Variants in EHD3 observed in about 807,000 individuals in gnomAD.
EHD3 encodes the protein EH domain containing 3.
Under a neutral mutation model 43.0 loss-of-function variants are expected in EHD3, and 17 were observed. The observed-to-expected ratio is 0.40, with a 90% CI of 0.27 to 0.59. EHD3 has a LOEUF of 0.59. Among genes scored for constraint, EHD3 ranks in the 20% least tolerant of loss-of-function variants. EHD3 has a pLI of 0.49. For synonymous variants in EHD3, 313 were observed against 289.5 expected (o/e 1.08, Z -0.82); for missense variants, 594 against 705.6 (o/e 0.84, Z 1.79).
rs1683943586 is a variant in EHD3, at chr2:31,266,104, A to G, written c.1081-73A>G. The G allele has an allele frequency of 1.3e-6, 2 of 1,522,752 alleles. No homozygotes were observed. Among genetic ancestry groups the G allele is most frequent in the Admixed American group, 2.0e-5 (1 of 50,940 alleles). The allele number at this position is 1,522,752 out of a possible 1,614,324, so 94.3% of individuals were successfully genotyped here. ...CAGCTGTGAACATTCTGGTGCTCAT[A>G]GGAGGCACGTGATAAATGGAGGGCT... On this transcript the variant is annotated intron_variant, in intron 5 of 5. Coordinates refer to ENST00000322054, the MANE Select transcript of EHD3 (RefSeq NM_014600.3). The surrounding 1 kb of genome is among the most constrained non-coding windows in gnomAD (Gnocchi z 5.1).
intron 1 of EHD3, among the ~76,000 whole-genome samples, chr2:31,239,742 G>A (rs1006299858): frequency 2.6e-5 from 4 of 152,190 alleles, no homozygotes; most frequent in Non-Finnish European, 5.9e-5. Flanking sequence ...CAGCATTACT[G>A]ACCGGATTCG....
At chr2:31,245,360 G>A (rs1338382947) in intron 2 of EHD3, among the ~76,000 whole-genome samples, 2 of 151,854 alleles carry the variant, frequency 1.3e-5, no homozygotes, top group African/African-American at 2.4e-5. Flanking sequence ...AAAACACTTC[G>A]TGCCTGGCAC....
In EHD3 at chr2:31,261,528, C is replaced by A. The variant is rs750401201; in HGVS notation, c.916-21C>A. The A allele has an allele frequency of 3.7e-6, 6 of 1,613,590 alleles. No individual in the cohort carries two copies. In the South Asian group the frequency reaches 5.5e-5, roughly 15 times the overall value. ...GTCCAGGGTCTTGATGTGAAGGCTTCTCTCTGGCCCTGTTTGTCAGGTCCA... is the reference window on the plus strand; with the variant it reads ...GTCCAGGGTCTTGATGTGAAGGCTTATCTCTGGCCCTGTTTGTCAGGTCCA... On this transcript the variant is annotated intron_variant, in intron 4 of 5. Coordinates refer to ENST00000322054, the MANE Select transcript of EHD3 (RefSeq NM_014600.3).
At chr2:31,252,628 C>A (rs1382434235) in intron 3 of EHD3, among the ~76,000 whole-genome samples, 2 of 152,198 alleles carry the variant, frequency 1.3e-5, no homozygotes, top group Non-Finnish European at 2.9e-5. Flanking sequence ...GCATGCGCCA[C>A]CACACCCAGC....
At chr2:31,253,530 G>C (rs1683680843) in intron 3 of EHD3, among the ~76,000 whole-genome samples, 1 of 152,178 alleles carries the variant, frequency 6.6e-6, no homozygotes, top group East Asian at 1.9e-4. Context: ...TGTCTCACCA[G>C]ATAAAAAGGG....
intron 1 of EHD3, 101 bp downstream of exon 1, chr2:31,234,949 C>A: frequency 8.6e-7 from 1 of 1,167,736 alleles, no homozygotes; most frequent in Admixed American, 2.1e-5. Flanking sequence ...CAATGGGAAG[C>A]CTTCAGTTGA....
At chr2:31,253,205 T>C (rs115269295) in intron 3 of EHD3, among the ~76,000 whole-genome samples, 23,070 of 127,430 alleles carry the variant, frequency 0.18, 2,251 homozygotes, top group African/African-American at 0.29. Context: ...ACACATATCC[T>C]GCATATACAC....
Position 31,266,049 on chromosome 2 carries a change from G to A in EHD3, c.1081-128G>A. The A allele has an allele frequency of 8.2e-7, 1 of 1,225,606 alleles. No homozygotes were observed. Among genetic ancestry groups the A allele is most frequent in the East Asian group, 2.5e-5 (1 of 40,282 alleles). 75.9% of individuals were successfully genotyped at this position (1,225,606 alleles called of 1,614,324 possible). A position where few individuals can be genotyped will look rare whatever the true frequency, so the allele number is the denominator to read the frequency against. Reference sequence around the variant, plus strand: ...GTGATGTCCATCAGCTGAGCCTCTAGGTCACAGGTCTTTCATTGTAGAAAG... The same window carrying A: ...GTGATGTCCATCAGCTGAGCCTCTAAGTCACAGGTCTTTCATTGTAGAAAG... On this transcript the variant is annotated intron_variant, in intron 5 of 5. Coordinates refer to ENST00000322054, the MANE Select transcript of EHD3 (RefSeq NM_014600.3). The surrounding 1 kb of genome is among the most constrained non-coding windows in gnomAD (Gnocchi z 5.1).
chr2:31,235,982 C>G (rs949659098), intron 1 of EHD3, among the ~76,000 whole-genome samples: 4 of 152,188 alleles, frequency 2.6e-5, no homozygotes, highest in Middle Eastern at 3.2e-3. Flanking sequence ...GTGCTCATCT[C>G]CTGCAGAGGG....
chr2:31,250,274 T>C (rs1423060716), intron 3 of EHD3, among the ~76,000 whole-genome samples: 1 of 150,358 alleles, frequency 6.7e-6, no homozygotes, highest in African/African-American at 2.4e-5. Flanking sequence ...TTTTCTTTTT[T>C]TTTTTTTTTT....
chr2:31,244,342 C>A lies in EHD3; in HGVS notation c.296C>A (p.Ala99Glu), dbSNP rs750580454. 3 of 1,614,172 alleles carry A rather than the reference C, an allele frequency of 1.9e-6. No homozygotes were observed. Among genetic ancestry groups the A allele is most frequent in the Non-Finnish European group, 2.5e-6 (3 of 1,180,026 alleles). Residue 99 changes from alanine to glutamate, a missense_variant, in exon 2 of 6, where the codon GCG (alanine) becomes GAG (glutamate). This residue lies in a region of EHD3 where 243 missense variants were observed against 296.7 expected (regional missense o/e 0.82). Coordinates refer to ENST00000322054, the MANE Select transcript of EHD3 (RefSeq NM_014600.3). ...GPEPTTDSFI[A>E]VMQGDMEGII... ...GAGCCCACCACAGACTCCTTCATTG[C>A]GGTGATGCAGGGAGACATGGAGGGG...
At chr2:31,251,999 A>T (rs1410609034) in intron 3 of EHD3, among the ~76,000 whole-genome samples, 1 of 151,868 alleles carries the variant, frequency 6.6e-6, no homozygotes. Context: ...CCCAGTGTGA[A>T]CTCCCTGGGG....
intron 3 of EHD3, among the ~76,000 whole-genome samples, chr2:31,258,635 C>T (rs1415393645): frequency 1.3e-5 from 2 of 152,168 alleles, no homozygotes; most frequent in East Asian, 1.9e-4. Context: ...TCTGGTTACT[C>T]CTCAGAGAAG....
Position 31,260,575 on chromosome 2 carries a change from G to A in EHD3, c.568G>A (p.Asp190Asn), listed in dbSNP as rs1371513087. 2 of 1,614,042 alleles carry A rather than the reference G, an allele frequency of 1.2e-6. No homozygotes were observed. The highest frequency in any genetic ancestry group is 1.1e-5 in the South Asian group (1 of 91,062). The change falls in exon 4 of 6, where the codon GAT becomes AAT. Residue 190 changes from aspartate to asparagine, a missense_variant. This residue lies in a region of EHD3 where 243 missense variants were observed against 296.7 expected (regional missense o/e 0.82). Transcript: ENST00000322054. This position sits in a 1 kb window ranked among gnomAD's most constrained non-coding sequence, Gnocchi z 4.6. ...GGTTGACCGCATCATTCTGCTCTTC[G>A]ATGCCCACAAACTGGACATCTCTGA... ...ERVDRIILLF[D>N]AHKLDISDEF...
chr2:31,238,570 C>A (rs543625014), intron 1 of EHD3, among the ~76,000 whole-genome samples: 55 of 152,360 alleles, frequency 3.6e-4, no homozygotes, highest in Non-Finnish European at 6.5e-4. Context: ...CCAACACAGG[C>A]TGCCTCTTTG....
rs116343866 is a variant in EHD3 at position 31,267,043 on chromosome 2, G to T, written c.*339G>T. ...AGCACAGATGGCCAACCCACCTCCA[G>T]ATTCCCCAGTGCTTCCACACCCGGG... On this transcript the variant is annotated 3_prime_UTR_variant, in exon 6 of 6. Coordinates refer to ENST00000322054, the MANE Select transcript of EHD3 (RefSeq NM_014600.3). 0.012 allele frequency: 3,173 copies of T among 268,370 alleles called. 107 individuals carry two copies. The highest frequency in any genetic ancestry group is 0.065 in the African/African-American group (2,961 of 45,530). The allele number at this position is 268,370 out of a possible 1,614,324, so 16.6% of individuals were successfully genotyped here.
In EHD3 at chr2:31,234,488, T is replaced by G; in HGVS notation, c.-134T>G. The G allele has an allele frequency of 1.0e-6, 1 of 983,226 alleles. No homozygotes were observed. Among genetic ancestry groups the G allele is most frequent in the Non-Finnish European group, 1.5e-6 (1 of 673,718 alleles). The allele number at this position is 983,226 out of a possible 1,614,324, so 60.9% of individuals were successfully genotyped here. On this transcript the variant is annotated 5_prime_UTR_variant, in exon 1 of 6. An upstream start codon of the reference 5' UTR is lost. Transcript: ENST00000322054. ...CCCTCCTAGCCGCGTGCCCGGGCCA[T>G]GGTGCGGCTGAGCCCCGCGCTTGGG...
In EHD3 at chr2:31,249,427, C is replaced by T. The variant is rs745506140; in HGVS notation, c.461C>T (p.Thr154Ile). 19 of 1,614,032 alleles carry T rather than the reference C, an allele frequency of 1.2e-5. No homozygotes were observed. In the South Asian group the frequency reaches 1.9e-4, roughly 16 times the overall value. ...CTGGAGAGCATCAGCGTCATCGACA[C>T]ACCAGGGATCCTCTCTGGGGAGAAG... ...PVLESISVID[T>I]PGILSGEKQR... Residue 154 changes from threonine to isoleucine, a missense_variant, in exon 3 of 6, where the codon ACA becomes ATA. By Grantham distance (89) the Thr-to-Ile change is moderately conservative. Transcript: ENST00000322054.
intron 2 of EHD3, among the ~76,000 whole-genome samples, chr2:31,248,013 G>C (rs1683558945): frequency 6.6e-6 from 1 of 152,194 alleles, no homozygotes; most frequent in Non-Finnish European, 1.5e-5. Context: ...AGGTTGGCTG[G>C]GAGTCTGCCA....
Sources: gnomAD v4.1 joint callset for allele counts (sites outside exome capture counted in the v4.1 genomes callset) on GRCh38, gnomAD v4.1.1 for gene constraint, gnomAD v4.1.1 regional missense constraint, Gnocchi (gnomAD v3.1) non-coding constraint, MANE v1.5 for transcripts, NCBI Gene and HGNC (gene_info 2026-07-23, HGNC 2026-07-21) for gene names.